The following SORCS1 variants were observed in gnomAD, a reference collection of about 807,000 sequenced individuals.
SORCS1 encodes VPS10 domain-containing receptor SorCS1.
SORCS1 carries 60 observed loss-of-function variants against 146.1 expected under a neutral mutation model. The ratio of observed to expected loss-of-function variants is 0.41; its 90% CI spans 0.33 to 0.51. SORCS1 has a LOEUF of 0.51. SORCS1 is among the 20% of genes least tolerant of loss of function. The pLI, the probability that SORCS1 is intolerant of heterozygous loss-of-function variation, is 0.21. For synonymous variants in SORCS1, 637 were observed against 584.0 expected (o/e 1.09, Z -1.31); for missense variants, 1,352 against 1,487.6 (o/e 0.91, Z 1.50).
In SORCS1 at chr10:107,164,073, G is replaced by T; in HGVS notation, c.454C>A (p.Arg152Ser). Residue 152 changes from arginine (R) to serine (S), a missense_variant, in exon 1 of 26, where the codon CGC becomes AGC. By Grantham distance (110) the Arg-to-Ser change is moderately radical (BLOSUM62 -1). This residue lies in a region of SORCS1 where 490 missense variants were observed against 489.1 expected (regional missense o/e 1.00). Transcript: ENST00000263054. The surrounding 1 kb of genome is among the most constrained non-coding windows in gnomAD (Gnocchi z 6.8). ...AGTCTCAGCTCCTCCATCCGGAAGC[G>T]GGTGGCTTTGTCCGGGTCCCGCTCC... ...TRERDPDKATRFRMEELRLTS... is the reference protein window; with the variant it reads ...TRERDPDKATSFRMEELRLTS... The T allele has an allele frequency of 6.2e-7, 1 of 1,613,972 alleles. No individual in the cohort carries two copies.
At chr10:106,704,938 C>T (rs1589700682) in intron 8 of SORCS1, among the ~76,000 whole-genome samples, 1 of 152,248 alleles carries the variant, frequency 6.6e-6, no homozygotes, top group Non-Finnish European at 1.5e-5. Flanking sequence ...AAACCTGGCT[C>T]TGTTGTATTT....
intron 3 of SORCS1, among the ~76,000 whole-genome samples, chr10:106,802,703 T>C (rs1267838970): frequency 1.3e-5 from 2 of 152,174 alleles, no homozygotes; most frequent in African/African-American, 4.8e-5. Context: ...TTCACCATGT[T>C]GGCCAGGCTG....
At chr10:106,857,422 T>C (rs1226806100) in intron 2 of SORCS1, among the ~76,000 whole-genome samples, 2 of 152,200 alleles carry the variant, frequency 1.3e-5, no homozygotes, top group Admixed American at 1.3e-4. Flanking sequence ...CTCAAATCAC[T>C]GCCAACAAGA....
chr10:106,980,088 C>T (rs1179000715), intron 1 of SORCS1, among the ~76,000 whole-genome samples: 1 of 152,116 alleles, frequency 6.6e-6, no homozygotes, highest in Non-Finnish European at 1.5e-5. Flanking sequence ...TTTCCAAAAC[C>T]CTGAGCATAT....
At chr10:106,734,169 C>T (rs574931359) in intron 5 of SORCS1, among the ~76,000 whole-genome samples, 26 of 152,132 alleles carry the variant, frequency 1.7e-4, no homozygotes, top group African/African-American at 5.5e-4. Context: ...TCTTGTGTAC[C>T]TTTACACTGC....
intron 2 of SORCS1, among the ~76,000 whole-genome samples, chr10:106,873,434 A>G (rs757920576): frequency 4.8e-4 from 73 of 152,190 alleles, no homozygotes; most frequent in Admixed American, 1.0e-3. Flanking sequence ...AAGGACTGAA[A>G]TACTCCATAC....
At chr10:106,970,495 C>T (rs890779350) in intron 1 of SORCS1, among the ~76,000 whole-genome samples, 2 of 151,470 alleles carry the variant, frequency 1.3e-5, no homozygotes, top group South Asian at 2.1e-4. Context: ...CGCACCACCA[C>T]GCCCGGCTAA....
intron 1 of SORCS1, among the ~76,000 whole-genome samples, chr10:107,127,875 T>G (rs2134604341): frequency 6.6e-6 from 1 of 152,358 alleles, no homozygotes; most frequent in South Asian, 2.1e-4. Flanking sequence ...GCTTTAAAAC[T>G]TATCTCTTTC....
At chr10:107,131,357 C>G (rs1966867517) in intron 1 of SORCS1, among the ~76,000 whole-genome samples, 1 of 152,208 alleles carries the variant, frequency 6.6e-6, no homozygotes, top group African/African-American at 2.4e-5. Context: ...TATAGAGCCT[C>G]CCTCAAAAAC....
chr10:106,930,174 TG>T lies in SORCS1; in HGVS notation c.626+26338del, dbSNP rs1158478648. Among the ~76,000 whole-genome samples the T allele has an allele frequency of 2.6e-5, 4 of 151,908 alleles. No individual in the cohort carries two copies. The East Asian group carries it at 7.8e-4, about 30-fold the overall frequency. On this transcript the variant is annotated intron_variant, in intron 2 of 25. Coordinates refer to ENST00000263054, the MANE Select transcript of SORCS1 (RefSeq NM_052918.5). ...CTGAGCGCCTGCAGTCCCAGCTACTTGGGAGGCTGAGGCAGAAGAATGGCGT... is the reference window on the plus strand; with the variant it reads ...CTGAGCGCCTGCAGTCCCAGCTACTTGGAGGCTGAGGCAGAAGAATGGCGT...
chr10:106,944,490 CCTATGGTA>C (rs1366202361), intron 2 of SORCS1, among the ~76,000 whole-genome samples: 1 of 152,176 alleles, frequency 6.6e-6, no homozygotes, highest in Non-Finnish European at 1.5e-5. Flanking sequence ...ACCCAGAGAA[CCTATGGTA>C]CTTCTACTAT....
Position 106,699,349 on chromosome 10 carries a change from C to T in SORCS1, c.1278G>A (p.Ala426=), listed in dbSNP as rs370917531. The T allele has an allele frequency of 1.0e-4, 161 of 1,613,606 alleles. No individual in the cohort carries two copies. The highest frequency in any genetic ancestry group is 1.6e-4 in the Middle Eastern group (1 of 6,084). The part of the protein sequence containing the change: ...ISTDENQVFA[A]VQEWNQNDTY... ...TGTCATTCTGGTTCCATTCTTGGAC[C>T]GCTGCGAACACCTGATTCTCATCGG... The change falls in exon 9 of 26, where the codon GCG becomes GCA. Residue 426 remains alanine (A), a synonymous_variant. Transcript: ENST00000263054.
Position 106,802,160 on chromosome 10 carries a change from C to T in SORCS1, c.727-25468G>A, listed in dbSNP as rs1298965835. Among the ~76,000 whole-genome samples, 3 of 152,010 alleles carry T rather than the reference C, an allele frequency of 2.0e-5. No homozygotes were observed. In the East Asian group the frequency reaches 5.8e-4, roughly 29 times the overall value. On this transcript the variant is annotated intron_variant, in intron 3 of 25. Transcript: ENST00000263054. ...TGCATATGGAGAGTAAAGACAGAGT[C>T]CCAAAAAGAGCATACATACTGTAGG...
chr10:106,706,099 A>G (rs1854498574), intron 8 of SORCS1, among the ~76,000 whole-genome samples: 1 of 152,116 alleles, frequency 6.6e-6, no homozygotes, highest in Non-Finnish European at 1.5e-5. Context: ...TAGAAAACCA[A>G]TACATATGGC....
chr10:107,087,903 C>T (rs913174981), intron 1 of SORCS1, among the ~76,000 whole-genome samples: 9 of 152,100 alleles, frequency 5.9e-5, no homozygotes, highest in African/African-American at 2.2e-4. Flanking sequence ...GCCTAACCAG[C>T]TGAATTTATT....
chr10:107,115,764 A>C (rs896586182), intron 1 of SORCS1, among the ~76,000 whole-genome samples: 2 of 152,120 alleles, frequency 1.3e-5, no homozygotes, highest in African/African-American at 4.8e-5. Context: ...ACATAAAACC[A>C]AAAAGCTTCT....
chr10:106,853,072 G>C (rs963866094), intron 2 of SORCS1, among the ~76,000 whole-genome samples: 1 of 152,168 alleles, frequency 6.6e-6, no homozygotes, highest in African/African-American at 2.4e-5. Context: ...AAATGTATGG[G>C]AAAATTCACC....
rs891041935 is a variant in SORCS1, at chr10:106,849,904, C to A, written c.627-20231G>T. Among the ~76,000 whole-genome samples the A allele has an allele frequency of 2.0e-5, 3 of 152,176 alleles. No individual in the cohort carries two copies. The South Asian group carries it at 6.2e-4, about 32-fold the overall frequency. ...CCTCCCAGTTAGGCTGCTCGGGGGT[C>A]AGGGGTCAGGGACCCACTTGAGGAG... On this transcript the variant is annotated intron_variant, in intron 2 of 25. Transcript: ENST00000263054.
At chr10:106,930,608 C>A (rs550661349) in intron 2 of SORCS1, among the ~76,000 whole-genome samples, 9 of 152,324 alleles carry the variant, frequency 5.9e-5, no homozygotes, top group Admixed American at 2.0e-4. Context: ...AGGCACAACA[C>A]CAACACAGGA....
Sources: allele counts gnomAD v4.1 joint callset (sites outside exome capture counted in the v4.1 genomes callset), GRCh38; gene constraint gnomAD v4.1.1; regional missense constraint gnomAD v4.1.1; non-coding constraint Gnocchi (gnomAD v3.1); transcripts MANE v1.5; gene names NCBI Gene and HGNC (gene_info 2026-07-23, HGNC 2026-07-21).